NIPSNAP1: variants seen among roughly 807,000 people sequenced by gnomAD.
NIPSNAP1 encodes the protein nipsnap homolog 1.
In NIPSNAP1, 25 loss-of-function variants were observed where a neutral mutation model predicts 49.2. The ratio of observed to expected loss-of-function variants is 0.51; its 90% confidence interval spans 0.37 to 0.71. The LOEUF is 0.71. NIPSNAP1 is among the 30% of genes least tolerant of loss of function. The pLI, the probability that NIPSNAP1 is intolerant of heterozygous loss-of-function variation, is 0.00. For synonymous variants in NIPSNAP1, 143 were observed against 140.7 expected (o/e 1.02, Z -0.12); for missense variants, 294 against 361.0 (o/e 0.81, Z 1.50).
chr22:29,561,314 G>T, intron 6 of NIPSNAP1, 112 bp from the exon 7 acceptor site: 2 of 1,471,128 alleles, frequency 1.4e-6, no homozygotes, highest in Non-Finnish European at 9.5e-7. Flanking sequence ...AAGCTGCAGC[G>T]GCCATTTGGC....
At position 29,574,289 on chromosome 22, in the gene NIPSNAP1, A is replaced by AAGAAAGAAAAAG. The variant is rs2064434384; in HGVS notation, c.99-3758_99-3757insCTTTTTCTTTCT. Among the ~76,000 whole-genome samples the AAGAAAGAAAAAG allele has an allele frequency of 4.9e-4, 61 of 125,260 alleles. 2 individuals carry two copies. The highest frequency in any genetic ancestry group is 1.8e-3 in the African/African-American group (55 of 30,500). 82.2% of individuals were successfully genotyped at this position (125,260 alleles called of 152,430 possible). Reference sequence around the variant, plus strand: ...AAAAAAAAAAAAAAAAAAAAAAAAAAAAAGAAAGAAAAAGAAAAGAAAATA... The same window carrying AAGAAAGAAAAAG: ...AAAAAAAAAAAAAAAAAAAAAAAAAAAGAAAGAAAAAGAAAGAAAGAAAAAGAAAAGAAAATA... On this transcript the variant is annotated intron_variant, in intron 1 of 9. Transcript: ENST00000216121.
intron 1 of NIPSNAP1, among the ~76,000 whole-genome samples, chr22:29,572,067 C>T (rs1374693532): frequency 6.6e-6 from 1 of 152,122 alleles, no homozygotes; most frequent in Non-Finnish European, 1.5e-5. Flanking sequence ...CTTTGGGAGG[C>T]CAAGGCAGGC....
intron 4 of NIPSNAP1, among the ~76,000 whole-genome samples, chr22:29,568,443 A>G (rs574235424): frequency 6.7e-6 from 1 of 149,436 alleles, no homozygotes; most frequent in South Asian, 2.1e-4. Context: ...AGACTGTGCC[A>G]CTATCTGCCA....
chr22:29,561,505 C>T lies in NIPSNAP1; in HGVS notation c.579+1G>A. On this transcript the variant is annotated splice_donor_variant, in intron 6 of 9. Transcript: ENST00000216121. LOFTEE classifies it high-confidence loss of function. ...GGAGGGGGTCTGTCGGAGGGAGGCA[C>T]CTTGAGCTTGTATGTCCTCAGCTCA... 6.2e-7 allele frequency: 1 copy of T among 1,614,008 alleles called. No individual in the cohort carries two copies. Among genetic ancestry groups the T allele is most frequent in the Non-Finnish European group, 8.5e-7 (1 of 1,179,954 alleles).
chr22:29,580,172 A>G (rs1433968038), intron 1 of NIPSNAP1: 1 of 1,304,146 alleles, frequency 7.7e-7, no homozygotes, highest in Admixed American at 2.3e-5. Context: ...AAACAGAGAA[A>G]AATGAGATCA....
intron 7 of NIPSNAP1, 74 bp from the exon 8 acceptor site, chr22:29,560,902 C>T (rs2064330827): frequency 1.4e-6 from 2 of 1,400,698 alleles, no homozygotes; most frequent in Admixed American, 1.7e-5. Flanking sequence ...TCCTTGGCCA[C>T]ACTTCACAGG....
chr22:29,571,110 C>A (rs563240317), intron 1 of NIPSNAP1, among the ~76,000 whole-genome samples: 17 of 152,160 alleles, frequency 1.1e-4, no homozygotes, highest in Non-Finnish European at 2.4e-4. Context: ...CATGTCCCCA[C>A]CCTGACCCCA....
At chr22:29,569,466 G>A (rs1180120039) in intron 3 of NIPSNAP1, among the ~76,000 whole-genome samples, 179 bp from the exon 4 acceptor site, 1 of 152,016 alleles carries the variant, frequency 6.6e-6, no homozygotes, top group Non-Finnish European at 1.5e-5. Flanking sequence ...ATCCTGGCTG[G>A]GCACAGTGGC....
chr22:29,570,371 A>G, intron 2 of NIPSNAP1, 34 bp downstream of exon 2: 2 of 1,613,868 alleles, frequency 1.2e-6, no homozygotes, highest in Non-Finnish European at 1.7e-6. Flanking sequence ...AGCCCCTGAA[A>G]GGGCAGAAAT....
chr22:29,563,199 G>C (rs776799711), intron 4 of NIPSNAP1, among the ~76,000 whole-genome samples: 11 of 151,852 alleles, frequency 7.2e-5, no homozygotes, highest in Non-Finnish European at 1.2e-4. Context: ...CCAGGAGGTA[G>C]AGGTTGCAGT....
At chr22:29,572,302 C>CAAAAAAAAAAAAAAAAAAAAAAAAAA (rs695769) in intron 1 of NIPSNAP1, among the ~76,000 whole-genome samples, 1 of 71,098 alleles carries the variant, frequency 1.4e-5, no homozygotes, top group South Asian at 4.4e-4. Context: ...GAATCCATCT[C>CAAAAAAAAAAAAAAAAAAAAAAAAAA]AAAAAAAAAA....
At chr22:29,558,609 C>G (rs879532222) in intron 9 of NIPSNAP1, among the ~76,000 whole-genome samples, 2 of 152,160 alleles carry the variant, frequency 1.3e-5, no homozygotes, top group African/African-American at 2.4e-5. Context: ...GAACCGTGCC[C>G]AAGGTCACAA....
chr22:29,571,323 T>C (rs1233610402), intron 1 of NIPSNAP1, among the ~76,000 whole-genome samples: 1 of 152,138 alleles, frequency 6.6e-6, no homozygotes, highest in Admixed American at 6.6e-5. Flanking sequence ...GTTTGGCAGA[T>C]AGAGGGAGTA....
chr22:29,556,884 G>A (rs960792589), intron 9 of NIPSNAP1, among the ~76,000 whole-genome samples: 1 of 152,070 alleles, frequency 6.6e-6, no homozygotes, highest in African/African-American at 2.4e-5. Context: ...CGAGTAGCTG[G>A]GATTACAGGC....
chr22:29,570,319 C>T, intron 2 of NIPSNAP1, 86 bp downstream of exon 2: 1 of 1,609,462 alleles, frequency 6.2e-7, no homozygotes. Flanking sequence ...GAGGACATTC[C>T]AGACCCTCCC....
At chr22:29,571,278 AGAG>A (rs1040521797) in intron 1 of NIPSNAP1, among the ~76,000 whole-genome samples, 48 of 152,188 alleles carry the variant, frequency 3.2e-4, no homozygotes, top group African/African-American at 7.7e-4. Context: ...GACTCTCTAC[AGAG>A]GAGGAGATGA....
chr22:29,577,687 T>C (rs2064463909), intron 1 of NIPSNAP1, among the ~76,000 whole-genome samples: 1 of 151,060 alleles, frequency 6.6e-6, no homozygotes, highest in Non-Finnish European at 1.5e-5. Flanking sequence ...GTGCTGGGAT[T>C]ACAGGTGTGA....
intron 7 of NIPSNAP1, 117 bp from the exon 8 acceptor site, chr22:29,560,945 A>T: frequency 1.1e-5 from 11 of 1,032,348 alleles, no homozygotes; most frequent in Non-Finnish European, 1.5e-5. Context: ...GTCCTCCGGG[A>T]TGCTGAGAGA....
In NIPSNAP1 at chr22:29,561,535, T is replaced by A. The variant is rs199705087; in HGVS notation, c.550A>T (p.Ile184Phe). ...AGCTTGTATGTCCTCAGCTCATAGA[T>A]GTTGGGACCCATTCTGGGCTGTGGC... ...NEPQPRMGPN[I>F]YELRTYKLKP... The change falls in exon 6 of 10, where the codon ATC (isoleucine) becomes TTC (phenylalanine). Residue 184 changes from isoleucine (I) to phenylalanine (F), a missense_variant. By Grantham distance (21) the Ile-to-Phe change is conservative. Around this residue, in one of 4 missense-constraint regions of NIPSNAP1, gnomAD observed 146 missense variants for 219.9 expected, o/e 0.66. Transcript: ENST00000216121. 2.5e-6 allele frequency: 4 copies of A among 1,614,058 alleles called. No homozygotes were observed. In the African/African-American group the frequency reaches 5.3e-5, roughly 22 times the overall value.
Sources: allele counts gnomAD v4.1 joint callset (sites outside exome capture counted in the v4.1 genomes callset), GRCh38; gene constraint gnomAD v4.1.1; regional missense constraint gnomAD v4.1.1; transcripts MANE v1.5; gene names NCBI Gene and HGNC (gene_info 2026-07-23, HGNC 2026-07-21).